CDH12: variants seen among roughly 807,000 people sequenced by gnomAD.
CDH12 encodes the protein cadherin-12.
A neutral mutation model predicts 74.1 loss-of-function variants in CDH12; 41 were observed. That is an observed-to-expected ratio of 0.55 (90% confidence interval 0.43 to 0.72). The LOEUF (loss-of-function observed/expected upper bound fraction) is 0.72, where lower values mean the gene tolerates loss of function less well. Ranked by LOEUF, CDH12 falls within the 30% of genes least tolerant of loss-of-function variation. The probability of loss-of-function intolerance (pLI) is 0.00; values close to 1 mark genes in which losing one functional copy is unlikely to be tolerated. For missense variants in CDH12, 945 were observed against 977.2 expected, an observed-to-expected ratio of 0.97 and a Z score of 0.44; for synonymous variants, 399 against 355.0, an observed-to-expected ratio of 1.12 and a Z score of -1.39.
rs575230783 is a variant in CDH12, at chr5:22,461,012, C to T, written c.-428+44258G>A. ...CTGGGATTACAGGTGTGAGCCACCG[C>T]GCCAGGCCAATGTCTAGCTTTTTTT... is the stretch of plus-strand genomic sequence containing the variant. On this transcript the variant is annotated intron_variant, in intron 2 of 14. Coordinates refer to ENST00000382254, the MANE Select transcript of CDH12 (RefSeq NM_004061.5). 5.5e-5 allele frequency among the ~76,000 whole-genome samples: 8 copies of T among 144,834 alleles called. No individual in the cohort carries two copies. The East Asian group carries it at 1.1e-3, about 19-fold the overall frequency.
At chr5:22,484,856 T>C (rs1463152048) in intron 2 of CDH12, among the ~76,000 whole-genome samples, 1 of 152,148 alleles carries the variant, frequency 6.6e-6, no homozygotes, top group Non-Finnish European at 1.5e-5. Context: ...CAGGATTACA[T>C]AATAATATAG....
intron 4 of CDH12, among the ~76,000 whole-genome samples, chr5:22,140,066 C>T (rs1221784236): frequency 7.2e-5 from 11 of 152,200 alleles, no homozygotes. Context: ...CACCCCTTTG[C>T]ATAGCTAATT....
chr5:21,833,169 TTATAAATATATATTATATAAC>T (rs1749228998), intron 8 of CDH12, among the ~76,000 whole-genome samples: 1 of 49,010 alleles, frequency 2.0e-5, no homozygotes, highest in Non-Finnish European at 2.9e-5. Context: ...ATATATTATA[TTATAAATATATATTATATAAC>T]ATATAATATA....
chr5:22,817,377 T>C (rs1749445620), intron 1 of CDH12, among the ~76,000 whole-genome samples: 1 of 152,072 alleles, frequency 6.6e-6, no homozygotes, highest in African/African-American at 2.4e-5. Context: ...TCAGAGACAC[T>C]GATAGCATCA....
chr5:21,937,372 G>A (rs1222443968), intron 6 of CDH12, among the ~76,000 whole-genome samples: 1 of 152,160 alleles, frequency 6.6e-6, no homozygotes, highest in Non-Finnish European at 1.5e-5. Context: ...AGCCAGAGAA[G>A]AGAGAGAATA....
At chr5:22,374,166 C>T (rs545295588) in intron 3 of CDH12, among the ~76,000 whole-genome samples, 1 of 151,786 alleles carries the variant, frequency 6.6e-6, no homozygotes, top group South Asian at 2.1e-4. Context: ...ATATACAAAT[C>T]AATAAATGTG....
At chr5:22,383,627 C>T (rs1335070604) in intron 3 of CDH12, among the ~76,000 whole-genome samples, 1 of 152,134 alleles carries the variant, frequency 6.6e-6, no homozygotes, top group Non-Finnish European at 1.5e-5. Flanking sequence ...CATTGCTGGT[C>T]TCATATATTG....
chr5:22,679,455 A>G (rs1306567469), intron 1 of CDH12, among the ~76,000 whole-genome samples: 1 of 152,094 alleles, frequency 6.6e-6, no homozygotes, highest in African/African-American at 2.4e-5. Flanking sequence ...TGTCTTTTCC[A>G]AAAATTTTAA....
chr5:22,311,618 G>A lies in CDH12; in HGVS notation c.-333+93639C>T, dbSNP rs569342718. 2.1e-3 allele frequency among the ~76,000 whole-genome samples: 312 copies of A among 150,298 alleles called. 3 individuals are homozygous for A. Among genetic ancestry groups the A allele is most frequent in the African/African-American group, 5.3e-3 (215 of 40,734 alleles). On this transcript the variant is annotated intron_variant, in intron 3 of 14. Coordinates refer to ENST00000382254, the MANE Select transcript of CDH12 (RefSeq NM_004061.5). ...TCAGGAGGCTGAGGGCAGGATAATC[G>A]CTTGAACCTGGGAGGCAGAAGTTTT...
rs543949827 is a variant in CDH12, at chr5:22,500,720, C to T, written c.-428+4550G>A. Among the ~76,000 whole-genome samples the T allele has an allele frequency of 1.2e-4, 19 of 152,218 alleles. 1 individual carries two copies. The highest frequency in any genetic ancestry group is 4.1e-4 in the South Asian group (2 of 4,824). On this transcript the variant is annotated intron_variant, in intron 2 of 14. Coordinates refer to ENST00000382254, the MANE Select transcript of CDH12 (RefSeq NM_004061.5). ...TACTTGGCTTTTCCATATTCCCTTA[C>T]GAGGTTAAGAAGATGAATGCTCATT...
chr5:22,295,620 T>C (rs537611371), intron 3 of CDH12, among the ~76,000 whole-genome samples: 20 of 152,118 alleles, frequency 1.3e-4, no homozygotes, highest in African/African-American at 4.6e-4. Flanking sequence ...GGCAAGAGTT[T>C]GAACAAATAT....
chr5:22,381,002 G>A (rs932993271), intron 3 of CDH12, among the ~76,000 whole-genome samples: 7 of 152,058 alleles, frequency 4.6e-5, no homozygotes, highest in African/African-American at 1.7e-4. Flanking sequence ...TGGAGGATAT[G>A]ACACTGAGTT....
intron 4 of CDH12, among the ~76,000 whole-genome samples, chr5:22,080,804 G>C (rs1459749781): frequency 6.6e-6 from 1 of 150,882 alleles, no homozygotes; most frequent in Non-Finnish European, 1.5e-5. Context: ...TTTTTTGATG[G>C]AGTCTTGCTG....
Position 22,641,662 on chromosome 5 carries a change from A to C in CDH12, c.-522-136298T>G, listed in dbSNP as rs201656941. ...TTTTTTCTTGCCTTAGGCCCTTTGC[A>C]CTAACCAAGGCTTCTGCTAGGGTGC... On this transcript the variant is annotated intron_variant, in intron 1 of 14. Transcript: ENST00000382254. 6.6e-5 allele frequency among the ~76,000 whole-genome samples: 10 copies of C among 152,302 alleles called. No individual in the cohort carries two copies. The East Asian group carries it at 1.5e-3, about 24-fold the overall frequency.
intron 4 of CDH12, among the ~76,000 whole-genome samples, chr5:22,101,519 A>G (rs545492969): frequency 3.3e-5 from 5 of 152,272 alleles, no homozygotes; most frequent in African/African-American, 1.2e-4. Flanking sequence ...TGGAAAGTGT[A>G]TTGCTTCCAG....
intron 1 of CDH12, among the ~76,000 whole-genome samples, chr5:22,594,118 A>T (rs2126803344): frequency 6.6e-6 from 1 of 152,324 alleles, no homozygotes; most frequent in Admixed American, 6.5e-5. Context: ...AATGCTTGAC[A>T]AGCTAAATAA....
chr5:22,765,551 T>C (rs997543306), intron 1 of CDH12, among the ~76,000 whole-genome samples: 1 of 151,960 alleles, frequency 6.6e-6, no homozygotes, highest in African/African-American at 2.4e-5. Context: ...TTTAATAAAG[T>C]ATAGAAGAAT....
At chr5:22,439,033 T>C (rs892061901) in intron 2 of CDH12, among the ~76,000 whole-genome samples, 13 of 151,874 alleles carry the variant, frequency 8.6e-5, no homozygotes, top group Non-Finnish European at 1.8e-4. Context: ...TAATTGGACA[T>C]CGCTTGTGTC....
chr5:22,042,454 AG>A (rs1739638421), intron 5 of CDH12, among the ~76,000 whole-genome samples: 1 of 152,162 alleles, frequency 6.6e-6, no homozygotes, highest in Non-Finnish European at 1.5e-5. Flanking sequence ...AAAGTAAAAA[AG>A]GAGACCACAA....
Sources: allele counts gnomAD v4.1 joint callset (sites outside exome capture counted in the v4.1 genomes callset), GRCh38; gene constraint gnomAD v4.1.1; transcripts MANE v1.5; gene names NCBI Gene and HGNC (gene_info 2026-07-23, HGNC 2026-07-21).